Variants in LGALS9 observed in about 807,000 individuals in gnomAD.
LGALS9 encodes galectin 9.
A neutral mutation model predicts 35.9 loss-of-function variants in LGALS9; 26 were observed. That is an observed-to-expected ratio of 0.72 (90% CI 0.53 to 1.01). LGALS9 has a LOEUF of 1.01. Among genes scored for constraint, LGALS9 ranks in the 50% least tolerant of loss-of-function variants. The pLI is 0.00. For synonymous variants in LGALS9, 149 were observed against 172.2 expected, an observed-to-expected ratio of 0.87 and a Z score of 1.06; for missense variants, 347 against 445.8, an observed-to-expected ratio of 0.78 and a Z score of 1.99.
intron 5 of LGALS9, 149 bp downstream of exon 5, chr17:27,643,769 C>A: frequency 7.5e-7 from 1 of 1,330,216 alleles, no homozygotes; most frequent in Non-Finnish European, 1.0e-6. Context: ...CGCTGGGCAC[C>A]CAGAGCTGGG....
intron 1 of LGALS9, among the ~76,000 whole-genome samples, chr17:27,636,025 C>G (rs1012301787): frequency 3.3e-5 from 5 of 152,142 alleles, no homozygotes; most frequent in East Asian, 3.8e-4. Context: ...CAGACCTGAC[C>G]TGAGGGGCAA....
intron 6 of LGALS9, 171 bp from the exon 7 acceptor site, chr17:27,645,690 C>A: frequency 1.6e-6 from 1 of 622,792 alleles, no homozygotes; most frequent in South Asian, 2.0e-5. Flanking sequence ...ACCTTTGCCC[C>A]TCGCTCATCC....
At chr17:27,637,056 G>C (rs1462017586) in intron 1 of LGALS9, among the ~76,000 whole-genome samples, 2 of 152,004 alleles carry the variant, frequency 1.3e-5, no homozygotes, top group Non-Finnish European at 2.9e-5. Context: ...GTAGGAAATT[G>C]ACCTAAAGGA....
intron 7 of LGALS9, among the ~76,000 whole-genome samples, chr17:27,646,135 C>T (rs1395820742): frequency 2.0e-5 from 3 of 152,056 alleles, no homozygotes; most frequent in African/African-American, 4.8e-5. Context: ...GAGACAAGTC[C>T]CCTAGAGACC....
chr17:27,635,841 A>G (rs1170340560), intron 1 of LGALS9, among the ~76,000 whole-genome samples: 2 of 152,200 alleles, frequency 1.3e-5, no homozygotes, highest in African/African-American at 4.8e-5. Flanking sequence ...TGTTCCACAG[A>G]CATGTTTCAG....
At chr17:27,644,661 C>CA (rs766155369) in intron 5 of LGALS9, 2 of 153,042 alleles carry the variant, frequency 1.3e-5, no homozygotes, top group Non-Finnish European at 2.9e-5. Flanking sequence ...CATCACCGTA[C>CA]AGACAGGGCA....
intron 1 of LGALS9, 31 bp downstream of exon 1, chr17:27,631,335 C>T (rs758676115): frequency 6.2e-7 from 1 of 1,614,082 alleles, no homozygotes; most frequent in South Asian, 1.1e-5. Context: ...CACAGGGCTG[C>T]CTCAGCCAGA....
At chr17:27,645,055 T>G in intron 5 of LGALS9, 1 of 586,782 alleles carries the variant, frequency 1.7e-6, no homozygotes, top group East Asian at 3.0e-5. Flanking sequence ...AGCAATGAGG[T>G]CTCTATCAAA....
chr17:27,638,601 G>A (rs2074480982), intron 2 of LGALS9: 6 of 385,630 alleles, frequency 1.6e-5, no homozygotes, highest in South Asian at 9.0e-5. Context: ...TAAGGAGGGC[G>A]TGGGATGGTC....
chr17:27,637,462 C>T (rs367646187), intron 1 of LGALS9, among the ~76,000 whole-genome samples: 2 of 152,194 alleles, frequency 1.3e-5, no homozygotes, highest in Middle Eastern at 3.2e-3. Flanking sequence ...ACGATGCATG[C>T]CTCACCATGG....
Position 27,645,304 on chromosome 17 carries a change from A to G in LGALS9, c.541-10A>G. ...GATAACCACCATTCTGACTCTCCTC[A>G]CCCCTCCAGCCTCCCGGCGTGTGGC... On this transcript the variant is annotated splice_polypyrimidine_tract_variant and intron_variant, in intron 5 of 10. Transcript: ENST00000395473. 6.2e-7 allele frequency: 1 copy of G among 1,612,902 alleles called. No individual in the cohort carries two copies. Among genetic ancestry groups the G allele is most frequent in the Non-Finnish European group, 8.5e-7 (1 of 1,179,572 alleles).
At chr17:27,647,507 T>C in intron 10 of LGALS9, 75 bp downstream of exon 10, 1 of 1,581,574 alleles carries the variant, frequency 6.3e-7, no homozygotes, top group Non-Finnish European at 8.6e-7. Flanking sequence ...AGGTTTGAGG[T>C]ACCTTGAACA....
At chr17:27,636,288 A>G (rs147253756) in intron 1 of LGALS9, among the ~76,000 whole-genome samples, 2,669 of 152,286 alleles carry the variant, frequency 0.018, 72 homozygotes, top group African/African-American at 0.061. Context: ...TCAAACATGC[A>G]GAAGGAATTG....
intron 5 of LGALS9, chr17:27,644,355 G>A (rs1376208485): frequency 3.9e-5 from 6 of 152,934 alleles, no homozygotes; most frequent in African/African-American, 1.4e-4. Context: ...CATTGTAACT[G>A]TATTTGCGTG....
At chr17:27,642,400 C>G in intron 4 of LGALS9, 52 bp downstream of exon 4, 1 of 1,610,698 alleles carries the variant, frequency 6.2e-7, no homozygotes. Flanking sequence ...CAGGGCCCAG[C>G]GTAGCTGTGT....
intron 7 of LGALS9, 104 bp from the exon 8 acceptor site, chr17:27,646,443 T>C: frequency 6.4e-7 from 1 of 1,564,984 alleles, no homozygotes; most frequent in Non-Finnish European, 8.8e-7. Flanking sequence ...GCTCACGAGG[T>C]CAGCCTCACA....
chr17:27,640,419 GA>G, intron 2 of LGALS9, 152 bp from the exon 3 acceptor site: 1 of 1,180,024 alleles, frequency 8.5e-7, no homozygotes, highest in Non-Finnish European at 1.2e-6. Context: ...ATCCCAATTA[GA>G]AAAACAAAAA....
chr17:27,646,930 A>T lies in LGALS9; in HGVS notation c.670-100A>T, dbSNP rs1471046508. 3 of 1,537,824 alleles carry T rather than the reference A, an allele frequency of 2.0e-6. No individual in the cohort carries two copies. The East Asian group carries it at 6.7e-5, about 35-fold the overall frequency. ...TTGGCTTTTATGGAACCAAGTAAAG[A>T]TATCATGGGCTTCTTCTCAGCTGAC... On this transcript the variant is annotated intron_variant, in intron 8 of 10. Coordinates refer to ENST00000395473, the MANE Select transcript of LGALS9 (RefSeq NM_009587.3).
intron 1 of LGALS9, among the ~76,000 whole-genome samples, chr17:27,631,778 G>C (rs924684595): frequency 7.4e-4 from 113 of 152,014 alleles, no homozygotes; most frequent in African/African-American, 2.0e-3. Context: ...CCACTCCCAG[G>C]GTTGGGATAT....
Sources: allele counts gnomAD v4.1 joint callset (sites outside exome capture counted in the v4.1 genomes callset), GRCh38; gene constraint gnomAD v4.1.1; transcripts MANE v1.5; gene names NCBI Gene and HGNC (gene_info 2026-07-23, HGNC 2026-07-21).